The following ALMS1 variants were observed in gnomAD, a reference collection of about 807,000 sequenced individuals.
ALMS1 encodes ALMS1 centrosome and basal body associated protein, also known as centrosome-associated protein ALMS1.
Under a neutral mutation model 352.2 loss-of-function variants are expected in ALMS1, and 271 were observed. The ratio of observed to expected loss-of-function variants is 0.77; its 90% confidence interval spans 0.70 to 0.85. The LOEUF is 0.85. Ranked by LOEUF, ALMS1 falls within the 40% of genes least tolerant of loss-of-function variation. ALMS1 has a pLI of 0.00. For missense variants in ALMS1, 5,445 were observed against 4,870.7 expected (o/e 1.12, Z -3.51); for synonymous variants, 1,865 against 1,761.2 (o/e 1.06, Z -1.48).
In ALMS1 at chr2:73,490,957, C is replaced by T. The variant is rs200930613; in HGVS notation, c.8998C>T (p.Gln3000Ter). Residue 3000 changes from glutamine (Q) to a stop codon, truncating the protein, a stop_gained, in exon 10 of 23, where the codon CAA becomes TAA. Coordinates refer to ENST00000613296, the MANE Select transcript of ALMS1 (RefSeq NM_001378454.1). LOFTEE classifies it high-confidence loss of function. ...GGATTGTGTAGTGGAAAAGAATAATCAACATAAGCCTAAATCACACATTTC... is the reference window on the plus strand; with the variant it reads ...GGATTGTGTAGTGGAAAAGAATAATTAACATAAGCCTAAATCACACATTTC... ...GQDCVVEKNN[Q>*]HKPKSHISNI... 13 of 1,614,176 alleles carry T rather than the reference C, an allele frequency of 8.1e-6. No individual in the cohort carries two copies. Among genetic ancestry groups the T allele is most frequent in the Non-Finnish European group, 1.1e-5 (13 of 1,180,020 alleles).
At chr2:73,574,886 C>T (rs1387443150) in intron 16 of ALMS1, among the ~76,000 whole-genome samples, 1 of 152,030 alleles carries the variant, frequency 6.6e-6, no homozygotes, top group Non-Finnish European at 1.5e-5. Flanking sequence ...TTTAATTAAC[C>T]CAGTGGAAAC....
Position 73,385,971 on chromosome 2 carries a change from G to C in ALMS1, c.103G>C (p.Ala35Pro), listed in dbSNP as rs955371491. The change falls in exon 1 of 23, where the codon GCG becomes CCG. Residue 35 changes from alanine (A) to proline (P), a missense_variant. Transcript: ENST00000613296. ...EEEEAAAAAA[A>P]NVDDVVVVEE... ...GGAGGAGGCTGCAGCGGCGGCGGCG[G>C]CGAACGTGGACGACGTAGTGGTCGT... 7 of 1,526,530 alleles carry C rather than the reference G, an allele frequency of 4.6e-6. No homozygotes were observed. The African/African-American group carries it at 6.9e-5, about 15-fold the overall frequency. 94.6% of individuals were successfully genotyped at this position (1,526,530 alleles called of 1,614,324 possible).
Position 73,455,375 on chromosome 2 carries a change from G to T in ALMS1, c.7674+80G>T, listed in dbSNP as rs1363274344. On this transcript the variant is annotated intron_variant, in intron 9 of 22. Coordinates refer to ENST00000613296, the MANE Select transcript of ALMS1 (RefSeq NM_001378454.1). ...ATTAGGATCTCTTACTTGGGCATCA[G>T]TTGAGTTGCTGATAATATTTGGCTA... The T allele has an allele frequency of 1.9e-6, 3 of 1,568,976 alleles. No individual in the cohort carries two copies. In the African/African-American group the frequency reaches 4.1e-5, roughly 21 times the overall value.
At chr2:73,439,443 A>G (rs1320370198) in intron 7 of ALMS1, among the ~76,000 whole-genome samples, 3 of 151,828 alleles carry the variant, frequency 2.0e-5, no homozygotes, top group Non-Finnish European at 2.9e-5. Flanking sequence ...TTTAGTTTCA[A>G]CCTTACTATG....
chr2:73,457,395 AC>A (rs1283088960), intron 9 of ALMS1: 1 of 151,802 alleles, frequency 6.6e-6, no homozygotes, highest in African/African-American at 2.4e-5. Flanking sequence ...GGCGCATGAC[AC>A]CACATCCAGC....
At chr2:73,400,856 C>A (rs942438555) in intron 1 of ALMS1, among the ~76,000 whole-genome samples, 1 of 151,998 alleles carries the variant, frequency 6.6e-6, no homozygotes, top group Non-Finnish European at 1.5e-5. Flanking sequence ...GGCGCAGTCT[C>A]CCTCACTGCA....
In ALMS1 at chr2:73,408,864, C is replaced by CTTTT. The variant is rs58686365; in HGVS notation, c.450+140_450+143dup. ...ATTCATTAATATTATGTTTTCTTGT[C>CTTTT]TTTTTTTTTTTTTTTTTTTTTTTTT... On this transcript the variant is annotated intron_variant, in intron 2 of 22. Transcript: ENST00000613296. The CTTTT allele has an allele frequency of 6.5e-4, 122 of 188,530 alleles. 4 individuals are homozygous for CTTTT. The highest frequency in any genetic ancestry group is 2.1e-3 in the African/African-American group (45 of 21,830). The allele number at this position is 188,530 out of a possible 1,614,324, so 11.7% of individuals were successfully genotyped here. A position where few individuals can be genotyped will look rare whatever the true frequency, so the allele number is the denominator to read the frequency against.
intron 7 of ALMS1, among the ~76,000 whole-genome samples, chr2:73,439,110 C>A (rs1438426599): frequency 9.3e-5 from 13 of 140,028 alleles, no homozygotes; most frequent in Non-Finnish European, 1.8e-4. Flanking sequence ...TTCTCCTCCT[C>A]CTCCTCTTTT....
intron 16 of ALMS1, among the ~76,000 whole-genome samples, chr2:73,595,380 T>G (rs887418435): frequency 4.6e-5 from 7 of 152,224 alleles, no homozygotes; most frequent in African/African-American, 1.7e-4. Flanking sequence ...CTTCTGGAGA[T>G]TTTATGTATA....
At chr2:73,455,779 A>C (rs1356026736) in intron 9 of ALMS1, among the ~76,000 whole-genome samples, 1 of 152,222 alleles carries the variant, frequency 6.6e-6, no homozygotes, top group Non-Finnish European at 1.5e-5. Context: ...TATTGATTCC[A>C]AATTCATATT....
chr2:73,452,358 G>C lies in ALMS1; in HGVS notation c.5831G>C (p.Arg1944Thr). Residue 1944 changes from arginine (R) to threonine (T), a missense_variant, in exon 8 of 23, where the codon AGA (arginine) becomes ACA (threonine). Transcript: ENST00000613296. ...GTACCTTTAAGTTACTACTCACGTA[G>C]AGAGAAGCCCAGTGTTATCTCTCAA... ...PTVPLSYYSR[R>T]EKPSVISQQE... 6.2e-7 allele frequency: 1 copy of C among 1,613,998 alleles called. No homozygotes were observed. The highest frequency in any genetic ancestry group is 8.5e-7 in the Non-Finnish European group (1 of 1,179,966).
chr2:73,504,060 T>C (rs1269382176), intron 10 of ALMS1, among the ~76,000 whole-genome samples: 1 of 152,204 alleles, frequency 6.6e-6, no homozygotes, highest in Admixed American at 6.5e-5. Flanking sequence ...TAACTTGTTA[T>C]TTGAAAATAC....
chr2:73,570,877 G>C (rs944001701), intron 15 of ALMS1, among the ~76,000 whole-genome samples: 1 of 152,172 alleles, frequency 6.6e-6, no homozygotes, highest in African/African-American at 2.4e-5. Context: ...CTTCCTGTTT[G>C]TTTGTTTAGC....
chr2:73,541,652 T>G (rs1039439462), intron 12 of ALMS1, among the ~76,000 whole-genome samples: 11 of 151,190 alleles, frequency 7.3e-5, no homozygotes, highest in Non-Finnish European at 1.6e-4. Context: ...GAGAGAAGAA[T>G]CAAATAGACG....
chr2:73,427,480 A>C (rs543503341), intron 6 of ALMS1, among the ~76,000 whole-genome samples: 1 of 152,186 alleles, frequency 6.6e-6, no homozygotes, highest in East Asian at 1.9e-4. Flanking sequence ...GATGTCATAA[A>C]AATTTTATAT....
In ALMS1 at chr2:73,573,239, G is replaced by T; in HGVS notation, c.11362G>T (p.Ala3788Ser). 5 of 1,613,648 alleles carry T rather than the reference G, an allele frequency of 3.1e-6. No individual in the cohort carries two copies. The highest frequency in any genetic ancestry group is 4.2e-6 in the Non-Finnish European group (5 of 1,179,678). ...TAGCTCTGTTTCCACTATTGACACTGCCCGGCTGATTCAAGCTTTTGGCCA... is the reference window on the plus strand; with the variant it reads ...TAGCTCTGTTTCCACTATTGACACTTCCCGGCTGATTCAAGCTTTTGGCCA... ...RSSSVSTIDT[A>S]RLIQAFGHER... Residue 3788 changes from alanine (A) to serine (S), a missense_variant, in exon 16 of 23, where the codon GCC becomes TCC. Coordinates refer to ENST00000613296, the MANE Select transcript of ALMS1 (RefSeq NM_001378454.1).
At chr2:73,512,287 A>G (rs1487991128) in intron 10 of ALMS1, among the ~76,000 whole-genome samples, 3 of 151,838 alleles carry the variant, frequency 2.0e-5, no homozygotes, top group African/African-American at 7.3e-5. Flanking sequence ...GTTTCACCAT[A>G]TTGGTGAGGC....
chr2:73,547,665 G>A (rs2104027515), intron 12 of ALMS1, among the ~76,000 whole-genome samples: 1 of 152,298 alleles, frequency 6.6e-6, no homozygotes, highest in East Asian at 1.9e-4. Context: ...CTTATCAACT[G>A]TATTAAAGTG....
chr2:73,473,458 A>T (rs1672509653), intron 9 of ALMS1, among the ~76,000 whole-genome samples: 1 of 152,120 alleles, frequency 6.6e-6, no homozygotes, highest in African/African-American at 2.4e-5. Flanking sequence ...AGAATCCAGT[A>T]TCCAGAGTTG....
Sources: gnomAD v4.1 joint callset for allele counts (sites outside exome capture counted in the v4.1 genomes callset) on GRCh38, gnomAD v4.1.1 for gene constraint, MANE v1.5 for transcripts, NCBI Gene and HGNC (gene_info 2026-07-23, HGNC 2026-07-21) for gene names.